The following DSCAM variants were observed in gnomAD, a reference collection of about 807,000 sequenced individuals.
DSCAM encodes the protein DS cell adhesion molecule.
DSCAM carries 47 observed loss-of-function variants against 217.7 expected under a neutral mutation model. The observed-to-expected ratio is 0.22, with a 90% CI of 0.17 to 0.28. The LOEUF (loss-of-function observed/expected upper bound fraction) is 0.28, where lower values mean the gene tolerates loss of function less well. Among genes scored for constraint, DSCAM ranks in the 10% least tolerant of loss-of-function variants. The pLI, the probability that DSCAM is intolerant of heterozygous loss-of-function variation, is 1.00. For missense variants in DSCAM, 2,080 were observed against 2,618.3 expected (o/e 0.79, Z 4.49); for synonymous variants, 1,056 against 1,015.3 (o/e 1.04, Z -0.76).
chr21:40,087,384 G>C (rs1224339206), intron 21 of DSCAM, 97 bp from the exon 22 acceptor site: 2 of 855,880 alleles, frequency 2.3e-6, no homozygotes, highest in Non-Finnish European at 3.9e-6. Flanking sequence ...CCTAAAAATG[G>C]ATGTGAAGCC....
chr21:40,811,180 A>G (rs1243071004), intron 1 of DSCAM, among the ~76,000 whole-genome samples: 1 of 152,214 alleles, frequency 6.6e-6, no homozygotes, highest in African/African-American at 2.4e-5. Flanking sequence ...GTCCAATGTC[A>G]TCACTTTCAT....
chr21:40,345,648 T>A (rs2074549644), intron 6 of DSCAM, among the ~76,000 whole-genome samples: 1 of 152,222 alleles, frequency 6.6e-6, no homozygotes, highest in Non-Finnish European at 1.5e-5. Flanking sequence ...GTTCACAGTA[T>A]TGCAAATTTT....
In DSCAM at chr21:40,730,801, G is replaced by A. The variant is rs1248929125; in HGVS notation, c.44-22030C>T. On this transcript the variant is annotated intron_variant, in intron 1 of 32. Transcript: ENST00000400454. The stretch of plus-strand genomic sequence containing the variant: ...ATTTGCATATTTTGGGGCACCTAGA[G>A]TACAATGTTAACAATATAGCACATG... Among the ~76,000 whole-genome samples, 3 of 152,240 alleles carry A rather than the reference G, an allele frequency of 2.0e-5. No individual in the cohort carries two copies. In the East Asian group the frequency reaches 5.8e-4, roughly 29 times the overall value.
intron 6 of DSCAM, 29 bp from the exon 7 acceptor site, chr21:40,339,444 T>A (rs2074465095): frequency 6.4e-7 from 1 of 1,557,482 alleles, no homozygotes; most frequent in African/African-American, 1.4e-5. Flanking sequence ...TGGAAGAAAG[T>A]GGCACATACA....
At chr21:40,231,010 C>CTT (rs372643343) in intron 11 of DSCAM, among the ~76,000 whole-genome samples, 4,383 of 137,564 alleles carry the variant, frequency 0.032, 212 homozygotes, top group East Asian at 0.14. Flanking sequence ...CTCGATTATG[C>CTT]TTTTTTTTTT....
rs2088087126 is a variant in DSCAM, at chr21:40,013,011, C to G, written c.*23G>C. On this transcript the variant is annotated 3_prime_UTR_variant, in exon 33 of 33. Coordinates refer to ENST00000400454, the MANE Select transcript of DSCAM (RefSeq NM_001389.5). ...TGAATTGTTTGAATTGTATTTACAA[C>G]CGCTGTCCAGTCATGCTGTCTGTTA... 2 of 1,384,542 alleles carry G rather than the reference C, an allele frequency of 1.4e-6. No individual in the cohort carries two copies. Among genetic ancestry groups the G allele is most frequent in the Admixed American group, 5.7e-5 (2 of 35,024 alleles). The allele number at this position is 1,384,542 out of a possible 1,614,324, so 85.8% of individuals were successfully genotyped here.
intron 11 of DSCAM, among the ~76,000 whole-genome samples, chr21:40,206,507 C>T (rs1430485317): frequency 1.3e-5 from 2 of 152,096 alleles, no homozygotes; most frequent in Non-Finnish European, 1.5e-5. Flanking sequence ...GAGGAGGGCA[C>T]ACATTGAGAC....
At chr21:40,563,381 T>TA in intron 3 of DSCAM, among the ~76,000 whole-genome samples, 1 of 150,812 alleles carries the variant, frequency 6.6e-6, no homozygotes, top group East Asian at 2.0e-4. Flanking sequence ...TTATCATTGA[T>TA]CTGGTGGAAC....
At chr21:40,638,084 T>TC in intron 3 of DSCAM, among the ~76,000 whole-genome samples, 1 of 152,276 alleles carries the variant, frequency 6.6e-6, no homozygotes, top group East Asian at 1.9e-4. Flanking sequence ...TCATAGAACT[T>TC]AGTCTTTCTT....
At chr21:40,037,366 C>G (rs1476773154) in intron 32 of DSCAM, among the ~76,000 whole-genome samples, 2 of 149,092 alleles carry the variant, frequency 1.3e-5, no homozygotes, top group African/African-American at 5.1e-5. Context: ...TTCTTATACA[C>G]CAATAACAGA....
At chr21:40,523,113 A>C (rs1455374890) in intron 3 of DSCAM, among the ~76,000 whole-genome samples, 1 of 152,114 alleles carries the variant, frequency 6.6e-6, no homozygotes, top group African/African-American at 2.4e-5. Context: ...GACACTTCAT[A>C]ATTTTAAAAA....
Position 40,436,925 on chromosome 21 carries a change from G to A in DSCAM, c.509-67680C>T, listed in dbSNP as rs1032266168. Among the ~76,000 whole-genome samples, 3 of 152,176 alleles carry A rather than the reference G, an allele frequency of 2.0e-5. No homozygotes were observed. In the East Asian group the frequency reaches 5.8e-4, roughly 29 times the overall value. ...GTTTAATAAGTTATTGTAAATTTTG[G>A]GTTTCTGGGAAGGGCATATACTGTT... On this transcript the variant is annotated intron_variant, in intron 3 of 32. Transcript: ENST00000400454.
chr21:40,013,510 T>C (rs1210994402), intron 32 of DSCAM, 124 bp from the exon 33 acceptor site: 15 of 640,578 alleles, frequency 2.3e-5, no homozygotes, highest in Non-Finnish European at 3.4e-5. Flanking sequence ...CACAGGTGCC[T>C]TTCTCAAGAT....
chr21:40,229,863 C>G (rs1207999263), intron 11 of DSCAM, among the ~76,000 whole-genome samples: 1 of 152,140 alleles, frequency 6.6e-6, no homozygotes, highest in East Asian at 1.9e-4. Flanking sequence ...GGCAAACACC[C>G]AGGTGTACAA....
At chr21:40,666,566 T>C (rs1310960193) in intron 3 of DSCAM, among the ~76,000 whole-genome samples, 1 of 152,220 alleles carries the variant, frequency 6.6e-6, no homozygotes, top group Non-Finnish European at 1.5e-5. Flanking sequence ...CTTCTGCTTC[T>C]GCCTACAGTC....
At chr21:40,481,553 G>A (rs1234196957) in intron 3 of DSCAM, among the ~76,000 whole-genome samples, 215 of 113,656 alleles carry the variant, frequency 1.9e-3, no homozygotes, top group Non-Finnish European at 2.7e-3. Context: ...AAAAAAAAAA[G>A]CTCACAAGAG....
chr21:40,117,065 G>C (rs1289835721), intron 20 of DSCAM, among the ~76,000 whole-genome samples: 1 of 128,812 alleles, frequency 7.8e-6, no homozygotes. Context: ...AATGATGGAA[G>C]AATGATTTCT....
At position 40,707,513 on chromosome 21, in the gene DSCAM, G is replaced by C. The variant is rs554554775; in HGVS notation, c.361+941C>G. 3.0e-4 allele frequency among the ~76,000 whole-genome samples: 46 copies of C among 152,230 alleles called. No homozygotes were observed. In the South Asian group the frequency reaches 9.5e-3, roughly 32 times the overall value. ...GCTTACATCAAAGAGATCATATGCA[G>C]GAATTCAGAAACACCTCATATTTTT... On this transcript the variant is annotated intron_variant, in intron 2 of 32. Transcript: ENST00000400454.
intron 20 of DSCAM, among the ~76,000 whole-genome samples, chr21:40,118,785 C>T (rs759522573): frequency 2.3e-4 from 35 of 152,312 alleles, no homozygotes; most frequent in East Asian, 7.7e-4. Flanking sequence ...ACCCAGTCCG[C>T]GCTCCTGCAC....
Sources: allele counts gnomAD v4.1 joint callset (sites outside exome capture counted in the v4.1 genomes callset), GRCh38; gene constraint gnomAD v4.1.1; transcripts MANE v1.5; gene names NCBI Gene and HGNC (gene_info 2026-07-23, HGNC 2026-07-21).